DYNLT2B: variants seen among roughly 807,000 people sequenced by gnomAD.
DYNLT2B encodes the protein dynein light chain Tctex-type protein 2B.
A neutral mutation model predicts 19.5 loss-of-function variants in DYNLT2B; 14 were observed. The ratio of observed to expected loss-of-function variants is 0.72; its 90% CI spans 0.47 to 1.12. The LOEUF is 1.12. Ranked by LOEUF, DYNLT2B falls within the 50% of genes most tolerant of loss-of-function variation. DYNLT2B has a pLI of 0.00. For missense variants in DYNLT2B, 133 were observed against 174.7 expected, an observed-to-expected ratio of 0.76 and a Z score of 1.35; for synonymous variants, 70 against 59.7, an observed-to-expected ratio of 1.17 and a Z score of -0.79.
At position 196,316,133 on chromosome 3, in the gene DYNLT2B, T is replaced by A. The variant is rs1244327239; in HGVS notation, c.212A>T (p.Lys71Ile). ...ATCTTTAATGTTTTCTGATAAATGT[T>A]TTGTAAGCTGAGGCATTTCTTCTGG... ...YSPEEMPQLT[K>I]HLSENIKDKL... Residue 71 changes from lysine (K) to isoleucine (I), a missense_variant, in exon 2 of 5, where the codon AAA (lysine) becomes ATA (isoleucine). Lys to Ile is a moderately radical substitution (Grantham distance 102). Coordinates refer to ENST00000325318, the MANE Select transcript of DYNLT2B (RefSeq NM_152773.5). The A allele has an allele frequency of 6.2e-7, 1 of 1,613,894 alleles. No homozygotes were observed. The highest frequency in any genetic ancestry group is 1.7e-5 in the Admixed American group (1 of 59,992).
At chr3:196,316,022 A>T (rs1056923116) in intron 2 of DYNLT2B, 76 bp downstream of exon 2, 5 of 1,515,692 alleles carry the variant, frequency 3.3e-6, no homozygotes, top group Non-Finnish European at 3.6e-6. Context: ...CCTTTGTTTA[A>T]AGATGGAGAG....
chr3:196,303,400 C>A (rs578155191), intron 3 of DYNLT2B, among the ~76,000 whole-genome samples: 1 of 152,270 alleles, frequency 6.6e-6, no homozygotes, highest in South Asian at 2.1e-4. Context: ...GGCAAGTGAA[C>A]CCACTGAGCA....
intron 1 of DYNLT2B, among the ~76,000 whole-genome samples, chr3:196,317,181 GT>G (rs1474499268): frequency 0.015 from 1,004 of 66,374 alleles, 103 homozygotes; most frequent in Non-Finnish European, 0.019. Flanking sequence ...GTGTGTGTGT[GT>G]TGTGTGTGTG....
chr3:196,305,596 T>A (rs1418147502), intron 3 of DYNLT2B: 1 of 151,680 alleles, frequency 6.6e-6, no homozygotes, highest in East Asian at 1.9e-4. Context: ...AGGTCAGGAG[T>A]TGGAGACCAA....
chr3:196,299,909 C>A (rs1407712712), intron 3 of DYNLT2B, among the ~76,000 whole-genome samples: 1 of 152,068 alleles, frequency 6.6e-6, no homozygotes, highest in African/African-American at 2.4e-5. Context: ...CCAGCCTGGG[C>A]AACAGAGTGA....
chr3:196,293,014 C>T lies in DYNLT2B; in HGVS notation c.382-1640G>A, dbSNP rs138389814. On this transcript the variant is annotated intron_variant, in intron 4 of 4. Transcript: ENST00000325318. ...GACTACAGGCGCCCGCCACCTTGCC[C>T]GGCTAGTTTTTGTATTTTTAGTAGA... 1.2e-4 allele frequency among the ~76,000 whole-genome samples: 19 copies of T among 152,230 alleles called. No individual in the cohort carries two copies. The East Asian group carries it at 3.3e-3, about 26-fold the overall frequency.
intron 2 of DYNLT2B, among the ~76,000 whole-genome samples, chr3:196,314,234 G>A (rs995549819): frequency 6.6e-6 from 1 of 151,896 alleles, no homozygotes; most frequent in Non-Finnish European, 1.5e-5. Context: ...GGCCGGGCAC[G>A]GTGGCTCACA....
intron 2 of DYNLT2B, among the ~76,000 whole-genome samples, chr3:196,312,080 A>G (rs1713106281): frequency 6.6e-6 from 1 of 152,092 alleles, no homozygotes; most frequent in Admixed American, 6.6e-5. Flanking sequence ...GGGTTTCTCC[A>G]TGTTGGTCAG....
intron 2 of DYNLT2B, among the ~76,000 whole-genome samples, chr3:196,309,293 TTC>T (rs1726570864): frequency 6.6e-6 from 1 of 152,164 alleles, no homozygotes; most frequent in African/African-American, 2.4e-5. Context: ...GAGATGGAGT[TTC>T]ACTCTTGTTG....
chr3:196,313,990 C>T (rs1726706741), intron 2 of DYNLT2B, among the ~76,000 whole-genome samples: 1 of 151,682 alleles, frequency 6.6e-6, no homozygotes, highest in East Asian at 1.9e-4. Context: ...CCCAGCTACT[C>T]AGGAGGCTGA....
At chr3:196,315,585 G>T (rs1211259214) in intron 2 of DYNLT2B, among the ~76,000 whole-genome samples, 1 of 151,268 alleles carries the variant, frequency 6.6e-6, no homozygotes, top group African/African-American at 2.4e-5. Context: ...TAATACACAT[G>T]AGGTCGGCTG....
At chr3:196,307,626 C>G (rs1432382872) in intron 2 of DYNLT2B, among the ~76,000 whole-genome samples, 1 of 151,844 alleles carries the variant, frequency 6.6e-6, no homozygotes, top group Non-Finnish European at 1.5e-5. Flanking sequence ...TCTAAAGCAT[C>G]TAAACAGTGC....
intron 4 of DYNLT2B, among the ~76,000 whole-genome samples, chr3:196,295,488 T>G (rs1425580098): frequency 1.3e-5 from 2 of 151,922 alleles, no homozygotes; most frequent in Non-Finnish European, 2.9e-5. Context: ...GATTCCTCTT[T>G]ATTTTTGCTT....
intron 2 of DYNLT2B, among the ~76,000 whole-genome samples, chr3:196,311,838 G>GA (rs774469277): frequency 1.3e-4 from 19 of 151,938 alleles, no homozygotes; most frequent in Admixed American, 4.6e-4. Context: ...TTGGGAGGCC[G>GA]AGACGGGTGG....
chr3:196,311,459 G>C (rs1236136703), intron 2 of DYNLT2B, among the ~76,000 whole-genome samples: 1 of 150,952 alleles, frequency 6.6e-6, no homozygotes, highest in Admixed American at 6.6e-5. Flanking sequence ...AAATATAGAA[G>C]ACAAAGATGG....
chr3:196,293,482 C>T (rs1199253245), intron 4 of DYNLT2B, among the ~76,000 whole-genome samples: 3 of 151,438 alleles, frequency 2.0e-5, no homozygotes, highest in Non-Finnish European at 2.9e-5. Context: ...AAAAATTAGC[C>T]GAGCGTGGTG....
chr3:196,306,234 T>G, intron 3 of DYNLT2B, among the ~76,000 whole-genome samples: 1 of 136,544 alleles, frequency 7.3e-6, no homozygotes. Flanking sequence ...CAACAGAGTG[T>G]GACCCATCTC....
At chr3:196,309,636 A>G (rs1312534995) in intron 2 of DYNLT2B, among the ~76,000 whole-genome samples, 1 of 152,056 alleles carries the variant, frequency 6.6e-6, no homozygotes, top group Non-Finnish European at 1.5e-5. Context: ...AGAAGGAAGG[A>G]AAGAAGGAAG....
At chr3:196,291,431 T>A in intron 4 of DYNLT2B, 57 bp from the exon 5 acceptor site, 1 of 1,550,358 alleles carries the variant, frequency 6.5e-7, no homozygotes, top group Non-Finnish European at 8.8e-7. Flanking sequence ...AAAGAGGGAA[T>A]GAGAGCAGCA....
Sources: allele counts gnomAD v4.1 joint callset (sites outside exome capture counted in the v4.1 genomes callset), GRCh38; gene constraint gnomAD v4.1.1; transcripts MANE v1.5; gene names NCBI Gene and HGNC (gene_info 2026-07-23, HGNC 2026-07-21).